Variants in PCDH9 observed in about 807,000 individuals in gnomAD.
PCDH9 encodes protocadherin-9.
Under a neutral mutation model 70.6 loss-of-function variants are expected in PCDH9, and 24 were observed. That is an observed-to-expected ratio of 0.34 (90% CI 0.25 to 0.48). The LOEUF is 0.48. Ranked by LOEUF, PCDH9 falls within the 20% of genes least tolerant of loss-of-function variation. The probability of loss-of-function intolerance (pLI) is 0.99; values close to 1 mark genes in which losing one functional copy is unlikely to be tolerated. For missense variants in PCDH9, 1,281 were observed against 1,503.6 expected (o/e 0.85, Z 2.45); for synonymous variants, 562 against 558.5 (o/e 1.01, Z -0.09).
chr13:66,469,074 A>C (rs1019076269), intron 4 of PCDH9, among the ~76,000 whole-genome samples: 3 of 152,140 alleles, frequency 2.0e-5, no homozygotes, highest in Admixed American at 2.0e-4. Context: ...AATTTGAATT[A>C]AAAATATTTC....
At chr13:66,775,531 C>T (rs1428494375) in intron 3 of PCDH9, among the ~76,000 whole-genome samples, 1 of 152,106 alleles carries the variant, frequency 6.6e-6, no homozygotes, top group Non-Finnish European at 1.5e-5. Context: ...AGACCAACCC[C>T]TCCTCTTTCT....
At chr13:66,323,748 A>G (rs1955794459) in intron 4 of PCDH9, among the ~76,000 whole-genome samples, 1 of 151,698 alleles carries the variant, frequency 6.6e-6, no homozygotes, top group Non-Finnish European at 1.5e-5. Context: ...TGAGTAATGA[A>G]GACAAAATTC....
chr13:66,561,762 G>A (rs902390003), intron 4 of PCDH9, among the ~76,000 whole-genome samples: 12 of 151,978 alleles, frequency 7.9e-5, no homozygotes, highest in Non-Finnish European at 1.8e-4. Flanking sequence ...ACCAATCAGC[G>A]CCCTGTCAAA....
At chr13:66,930,290 C>T (rs1291487026) in intron 2 of PCDH9, among the ~76,000 whole-genome samples, 1 of 152,116 alleles carries the variant, frequency 6.6e-6, no homozygotes, top group South Asian at 2.1e-4. Flanking sequence ...TTTATTTCCT[C>T]TATTATTCCT....
intron 3 of PCDH9, among the ~76,000 whole-genome samples, chr13:66,733,702 A>G (rs1373466343): frequency 6.6e-6 from 1 of 151,286 alleles, no homozygotes; most frequent in Non-Finnish European, 1.5e-5. Flanking sequence ...CGACATTAAC[A>G]CTTTGAAGGC....
rs183697730 is a variant in PCDH9 at position 66,320,759 on chromosome 13, T to C, written c.3341-15731A>G. Among the ~76,000 whole-genome samples the C allele has an allele frequency of 4.0e-3, 601 of 152,118 alleles. 2 individuals carry two copies. Among genetic ancestry groups the C allele is most frequent in the Middle Eastern group, 6.8e-3 (2 of 294 alleles). ...TTTAGGGCTACCTTGTTGACAGTAG[T>C]ATTATTTTAGTTAATATAACTACAT... On this transcript the variant is annotated intron_variant, in intron 4 of 4. Transcript: ENST00000377865.
chr13:67,092,240 C>A (rs2086232379), intron 2 of PCDH9, among the ~76,000 whole-genome samples: 1 of 151,978 alleles, frequency 6.6e-6, no homozygotes, highest in Non-Finnish European at 1.5e-5. Context: ...TATTGTATTT[C>A]TGGCTTATGA....
At chr13:67,176,481 T>G (rs2088460384) in intron 2 of PCDH9, among the ~76,000 whole-genome samples, 1 of 151,894 alleles carries the variant, frequency 6.6e-6, no homozygotes, top group African/African-American at 2.4e-5. Context: ...ATAAAAACAC[T>G]TATTAAAGCA....
chr13:66,747,241 C>T (rs1593998810), intron 3 of PCDH9, among the ~76,000 whole-genome samples: 2 of 152,236 alleles, frequency 1.3e-5, no homozygotes, highest in African/African-American at 4.8e-5. Flanking sequence ...ATCCCAGCTA[C>T]TCAGGAGGCT....
chr13:66,531,109 A>ATTT (rs35177071), intron 4 of PCDH9, among the ~76,000 whole-genome samples: 31 of 150,716 alleles, frequency 2.1e-4, no homozygotes, highest in East Asian at 1.2e-3. Flanking sequence ...AAAAAAATCC[A>ATTT]TTTTTTTTTG....
At chr13:67,038,742 C>T (rs2085055914) in intron 2 of PCDH9, among the ~76,000 whole-genome samples, 1 of 152,124 alleles carries the variant, frequency 6.6e-6, no homozygotes, top group South Asian at 2.1e-4. Context: ...CACAGAGTTC[C>T]TAAAAGCCTT....
intron 2 of PCDH9, among the ~76,000 whole-genome samples, chr13:67,028,750 GA>G (rs1460464739): frequency 2.6e-5 from 4 of 151,548 alleles, no homozygotes; most frequent in African/African-American, 9.7e-5. Context: ...TTCTCACCTC[GA>G]AAATGTTTAA....
At chr13:67,009,423 C>T (rs2084412490) in intron 2 of PCDH9, among the ~76,000 whole-genome samples, 1 of 152,078 alleles carries the variant, frequency 6.6e-6, no homozygotes, top group African/African-American at 2.4e-5. Context: ...CTCATTTGTA[C>T]AGGCCTCTTC....
chr13:67,186,184 C>G (rs754017661), intron 2 of PCDH9, among the ~76,000 whole-genome samples: 6 of 152,050 alleles, frequency 3.9e-5, no homozygotes, highest in Non-Finnish European at 8.8e-5. Context: ...TCTTTTGAAT[C>G]ATAAGAGTGT....
chr13:66,586,091 A>T (rs1046649130), intron 4 of PCDH9, among the ~76,000 whole-genome samples: 33 of 152,182 alleles, frequency 2.2e-4, no homozygotes, highest in Admixed American at 7.9e-4. Context: ...CACAACTGAG[A>T]GTGAGAGGAT....
At chr13:67,081,214 G>T (rs914556160) in intron 2 of PCDH9, among the ~76,000 whole-genome samples, 1 of 152,100 alleles carries the variant, frequency 6.6e-6, no homozygotes, top group Admixed American at 6.6e-5. Context: ...TATAATAAAT[G>T]GTTATTTCTA....
intron 4 of PCDH9, among the ~76,000 whole-genome samples, chr13:66,367,448 T>C (rs760550149): frequency 5.9e-5 from 9 of 152,186 alleles, no homozygotes; most frequent in Non-Finnish European, 1.0e-4. Flanking sequence ...GTTCTAACTA[T>C]TGTGCTGAAA....
chr13:66,975,942 T>G (rs1029998576), intron 2 of PCDH9, among the ~76,000 whole-genome samples: 7 of 151,986 alleles, frequency 4.6e-5, no homozygotes, highest in Non-Finnish European at 1.0e-4. Context: ...CAGTAATCAG[T>G]GAGATACAGT....
intron 4 of PCDH9, among the ~76,000 whole-genome samples, chr13:66,448,666 A>C (rs1181602187): frequency 6.6e-6 from 1 of 152,208 alleles, no homozygotes; most frequent in Non-Finnish European, 1.5e-5. Context: ...AACAAAGGCA[A>C]ATTAGACCAT....
Sources: allele counts gnomAD v4.1 joint callset (sites outside exome capture counted in the v4.1 genomes callset), GRCh38; gene constraint gnomAD v4.1.1; transcripts MANE v1.5; gene names NCBI Gene and HGNC (gene_info 2026-07-23, HGNC 2026-07-21).